The following RIMS2 variants were observed in gnomAD, a reference collection of about 807,000 sequenced individuals.
RIMS2 encodes regulating synaptic membrane exocytosis protein 2.
Under a neutral mutation model 174.4 loss-of-function variants are expected in RIMS2, and 59 were observed. The observed-to-expected ratio is 0.34, with a 90% CI of 0.27 to 0.42. RIMS2 has a LOEUF of 0.42. Ranked by LOEUF, RIMS2 falls within the 10% of genes least tolerant of loss-of-function variation. The pLI, the probability that RIMS2 is intolerant of heterozygous loss-of-function variation, is 1.00. For synonymous variants in RIMS2, 606 were observed against 572.5 expected (o/e 1.06, Z -0.84); for missense variants, 1,620 against 1,666.3 (o/e 0.97, Z 0.48).
At chr8:103,579,002 AT>A (rs1447097822) in intron 1 of RIMS2, among the ~76,000 whole-genome samples, 4 of 146,640 alleles carry the variant, frequency 2.7e-5, no homozygotes, top group East Asian at 2.0e-4. Context: ...AAAAAAAAAA[AT>A]AGAATATTGT....
chr8:103,843,432 T>C (rs563501088), intron 3 of RIMS2, among the ~76,000 whole-genome samples: 26 of 152,374 alleles, frequency 1.7e-4, no homozygotes, highest in African/African-American at 6.3e-4. Context: ...TGTCTGTTCT[T>C]GATTTCTTAA....
intron 19 of RIMS2, among the ~76,000 whole-genome samples, chr8:104,035,305 T>A (rs748484985): frequency 6.6e-5 from 10 of 152,070 alleles, no homozygotes; most frequent in African/African-American, 9.7e-5. Context: ...ATATACTGTA[T>A]GATTTAACAG....
chr8:103,615,591 G>A (rs1380216969), intron 1 of RIMS2, among the ~76,000 whole-genome samples: 1 of 151,960 alleles, frequency 6.6e-6, no homozygotes, highest in African/African-American at 2.4e-5. Context: ...ACAAATTCAG[G>A]AGTTGATTTT....
At chr8:103,684,932 A>G (rs916755410) in intron 1 of RIMS2, among the ~76,000 whole-genome samples, 6 of 152,084 alleles carry the variant, frequency 3.9e-5, no homozygotes, top group Admixed American at 2.6e-4. Flanking sequence ...TAACCTATCT[A>G]AGAAGTCTTT....
At position 103,887,199 on chromosome 8, in the gene RIMS2, A is replaced by G. The variant is rs376402831; in HGVS notation, c.1624+976A>G. ...TTTTATATGTTTATCTGCATTTGAT[A>G]TCTTCTGTGAATTATCTGTTCATTC... On this transcript the variant is annotated intron_variant, in intron 4 of 23. Transcript: ENST00000504942. 5.8e-4 allele frequency among the ~76,000 whole-genome samples: 88 copies of G among 151,854 alleles called. 1 individual carries two copies. In the South Asian group the frequency reaches 0.018, roughly 30 times the overall value.
intron 3 of RIMS2, among the ~76,000 whole-genome samples, chr8:103,813,007 T>C (rs1432929941): frequency 3.3e-5 from 5 of 152,198 alleles, no homozygotes; most frequent in African/African-American, 1.2e-4. Context: ...ACTACAGATA[T>C]AAATTTTAAG....
intron 1 of RIMS2, among the ~76,000 whole-genome samples, chr8:103,671,636 C>T (rs1015180565): frequency 6.6e-6 from 1 of 152,112 alleles, no homozygotes; most frequent in Non-Finnish European, 1.5e-5. Context: ...TTTTAAAATG[C>T]ATCAGAATTA....
At chr8:103,558,992 G>A (rs764853831) in intron 1 of RIMS2, 1 of 145,652 alleles carries the variant, frequency 6.9e-6, no homozygotes, top group Non-Finnish European at 1.5e-5. Context: ...GTGACCATGT[G>A]TTTAGATTCT....
At chr8:104,236,997 C>G (rs1477302457) in intron 19 of RIMS2, among the ~76,000 whole-genome samples, 1 of 152,054 alleles carries the variant, frequency 6.6e-6, no homozygotes, top group South Asian at 2.1e-4. Context: ...CTATCTTTGG[C>G]AATTTTCCTG....
intron 1 of RIMS2, among the ~76,000 whole-genome samples, chr8:103,667,542 T>C (rs1015664043): frequency 6.6e-6 from 1 of 152,232 alleles, no homozygotes; most frequent in African/African-American, 2.4e-5. Flanking sequence ...TAAAATTTCT[T>C]GAACACGTTG....
intron 3 of RIMS2, among the ~76,000 whole-genome samples, chr8:103,797,159 A>C (rs766529964): frequency 6.6e-6 from 1 of 152,318 alleles, no homozygotes; most frequent in East Asian, 1.9e-4. Flanking sequence ...GTGCCTTGGC[A>C]TATCGGCCTA....
At chr8:104,082,806 A>G (rs896812938) in intron 19 of RIMS2, among the ~76,000 whole-genome samples, 2 of 151,540 alleles carry the variant, frequency 1.3e-5, no homozygotes, top group Admixed American at 1.3e-4. Context: ...CTTATGTTCT[A>G]TATTATTTTT....
intron 19 of RIMS2, among the ~76,000 whole-genome samples, chr8:104,178,288 C>T (rs1301482758): frequency 2.0e-5 from 3 of 152,028 alleles, no homozygotes; most frequent in Non-Finnish European, 4.4e-5. Flanking sequence ...GACTAAAGTC[C>T]GCATCTCCTT....
chr8:103,826,161 C>T (rs747226135), intron 3 of RIMS2, among the ~76,000 whole-genome samples: 85 of 152,030 alleles, frequency 5.6e-4, no homozygotes, highest in Admixed American at 9.8e-4. Flanking sequence ...TATGTTTTCT[C>T]CCATTCTGTG....
At chr8:103,753,404 G>A (rs918977102) in intron 2 of RIMS2, among the ~76,000 whole-genome samples, 2 of 152,044 alleles carry the variant, frequency 1.3e-5, no homozygotes, top group Admixed American at 6.6e-5. Context: ...CTCTTTTTTG[G>A]TTGTGTCTCT....
chr8:104,252,635 G>A (rs186528326), downstream of RIMS2: 4 of 152,206 alleles, frequency 2.6e-5, no homozygotes, highest in East Asian at 5.8e-4. Flanking sequence ...ATGCAACAGG[G>A]TGATACAAAG....
At chr8:103,860,182 A>G (rs1286233845) in intron 3 of RIMS2, among the ~76,000 whole-genome samples, 1 of 152,138 alleles carries the variant, frequency 6.6e-6, no homozygotes, top group African/African-American at 2.4e-5. Context: ...TCTCAAATTT[A>G]TTGCCTATTG....
chr8:103,979,574 A>G (rs1276616411), intron 16 of RIMS2, among the ~76,000 whole-genome samples: 3 of 152,234 alleles, frequency 2.0e-5, no homozygotes, highest in African/African-American at 7.2e-5. Context: ...CTGGAATACC[A>G]AATTTTACCA....
chr8:103,967,039 A>G (rs572539416), intron 15 of RIMS2, among the ~76,000 whole-genome samples: 42 of 152,162 alleles, frequency 2.8e-4, no homozygotes, highest in African/African-American at 9.6e-4. Context: ...TTCCAGGTGA[A>G]CTTGAGAAGA....
Sources: allele counts gnomAD v4.1 joint callset (sites outside exome capture counted in the v4.1 genomes callset), GRCh38; gene constraint gnomAD v4.1.1; transcripts MANE v1.5; gene names NCBI Gene and HGNC (gene_info 2026-07-23, HGNC 2026-07-21).